The following MYT1L variants were observed in gnomAD, a reference collection of about 807,000 sequenced individuals.
MYT1L encodes the protein myelin transcription factor 1 like.
In MYT1L, 12 loss-of-function variants were observed where a neutral mutation model predicts 126.7. The ratio of observed to expected loss-of-function variants is 0.09; its 90% confidence interval spans 0.06 to 0.15. The LOEUF is 0.15. Ranked by LOEUF, MYT1L falls within the 10% of genes least tolerant of loss-of-function variation. MYT1L has a pLI of 1.00. For missense variants in MYT1L, 979 were observed against 1,585.2 expected (o/e 0.62, Z 6.49); for synonymous variants, 541 against 604.2 (o/e 0.90, Z 1.53).
intron 4 of MYT1L, among the ~76,000 whole-genome samples, chr2:2,015,288 T>TG (rs5828873): frequency 0.017 from 2,526 of 152,304 alleles, 56 homozygotes; most frequent in African/African-American, 0.054. Context: ...AAGGAGACAG[T>TG]GCAGGCGCAG....
intron 11 of MYT1L, among the ~76,000 whole-genome samples, chr2:1,915,896 G>C (rs891014514): frequency 6.6e-6 from 1 of 152,164 alleles, no homozygotes; most frequent in African/African-American, 2.4e-5. Context: ...CGAATGAAAG[G>C]GGGGGTGTTG....
chr2:2,011,814 C>T (rs1366065977), intron 4 of MYT1L, among the ~76,000 whole-genome samples: 3 of 152,180 alleles, frequency 2.0e-5, no homozygotes, highest in African/African-American at 7.2e-5. Flanking sequence ...TAAATCAAAA[C>T]TACAGTGAGA....
At chr2:2,207,489 C>A (rs536717813) in intron 2 of MYT1L, among the ~76,000 whole-genome samples, 1 of 152,276 alleles carries the variant, frequency 6.6e-6, no homozygotes, top group Admixed American at 6.5e-5. Context: ...CCGTCAAGAA[C>A]AATGTCGTGA....
At chr2:2,121,614 G>A (rs2147894733) in intron 3 of MYT1L, among the ~76,000 whole-genome samples, 1 of 152,182 alleles carries the variant, frequency 6.6e-6, no homozygotes, top group Non-Finnish European at 1.5e-5. Flanking sequence ...AGCCTCCTGA[G>A]TAGCTGGGAT....
chr2:2,187,491 A>C (rs1421813903), intron 2 of MYT1L, among the ~76,000 whole-genome samples: 2 of 151,870 alleles, frequency 1.3e-5, no homozygotes, highest in Admixed American at 1.3e-4. Flanking sequence ...CTTAGTTCCA[A>C]ATCAGCTCAG....
At chr2:2,015,295 G>A (rs562504372) in intron 4 of MYT1L, among the ~76,000 whole-genome samples, 2 of 152,302 alleles carry the variant, frequency 1.3e-5, no homozygotes, top group South Asian at 2.1e-4. Context: ...CAGTGCAGGC[G>A]CAGCATGCAG....
intron 8 of MYT1L, among the ~76,000 whole-genome samples, chr2:1,964,162 G>A (rs894606532): frequency 6.6e-6 from 1 of 152,154 alleles, no homozygotes; most frequent in Non-Finnish European, 1.5e-5. Flanking sequence ...AAGGCCTGAG[G>A]AGCAGGGAGA....
intron 2 of MYT1L, among the ~76,000 whole-genome samples, chr2:2,279,386 G>A (rs1010765686): frequency 1.3e-5 from 2 of 151,384 alleles, no homozygotes; most frequent in Non-Finnish European, 2.9e-5. Flanking sequence ...ACATGGAAGA[G>A]GAAGAAGGAG....
At chr2:2,109,896 T>TATATATAC in intron 3 of MYT1L, among the ~76,000 whole-genome samples, 1 of 112,484 alleles carries the variant, frequency 8.9e-6, no homozygotes, top group South Asian at 3.2e-4. Flanking sequence ...TATATATATA[T>TATATATAC]ATATATATAT....
chr2:1,993,352 G>A (rs2061588097), intron 5 of MYT1L, among the ~76,000 whole-genome samples: 1 of 152,080 alleles, frequency 6.6e-6, no homozygotes, highest in Non-Finnish European at 1.5e-5. Flanking sequence ...TTTTCTTACT[G>A]GAGGAAACCA....
intron 2 of MYT1L, among the ~76,000 whole-genome samples, chr2:2,273,297 A>G (rs1395885169): frequency 2.6e-5 from 4 of 152,148 alleles, no homozygotes; most frequent in Non-Finnish European, 1.5e-5. Flanking sequence ...AAGAACAAGG[A>G]TTTTCCTTAA....
At chr2:1,909,877 C>T (rs149418034) in intron 13 of MYT1L, among the ~76,000 whole-genome samples, 79 of 152,330 alleles carry the variant, frequency 5.2e-4, no homozygotes, top group African/African-American at 1.8e-3. Context: ...GTGTGAGGCC[C>T]TATCCTGCAA....
chr2:1,913,737 AGATG>A (rs2052403876), intron 11 of MYT1L, among the ~76,000 whole-genome samples: 1 of 152,142 alleles, frequency 6.6e-6, no homozygotes, highest in African/African-American at 2.4e-5. Context: ...CCTGAGGTCC[AGATG>A]GCAAGTGCAC....
chr2:1,996,910 G>A (rs553972340), intron 5 of MYT1L, among the ~76,000 whole-genome samples: 34 of 140,038 alleles, frequency 2.4e-4, no homozygotes, highest in African/African-American at 8.6e-4. Flanking sequence ...GAGTGTAGAC[G>A]GGCTGCCTTT....
intron 2 of MYT1L, among the ~76,000 whole-genome samples, chr2:2,236,728 A>T (rs2094318129): frequency 6.6e-6 from 1 of 151,252 alleles, no homozygotes; most frequent in Non-Finnish European, 1.5e-5. Flanking sequence ...AGCCTGCCTC[A>T]AAAACTGGTG....
At chr2:2,269,337 C>T (rs1477862912) in intron 2 of MYT1L, among the ~76,000 whole-genome samples, 2 of 152,230 alleles carry the variant, frequency 1.3e-5, no homozygotes, top group Non-Finnish European at 2.9e-5. Context: ...TTACAAAGAC[C>T]TTGTGGCCCT....
At chr2:2,280,741 G>A (rs1249999837) in intron 2 of MYT1L, among the ~76,000 whole-genome samples, 1 of 152,196 alleles carries the variant, frequency 6.6e-6, no homozygotes, top group Non-Finnish European at 1.5e-5. Flanking sequence ...AGGTGGAGAG[G>A]AAGCTTCAAC....
chr2:1,869,420 G>GC (rs1201472431), intron 18 of MYT1L, among the ~76,000 whole-genome samples: 3 of 152,252 alleles, frequency 2.0e-5, no homozygotes, highest in African/African-American at 7.2e-5. Context: ...TTCCCTGGAG[G>GC]CTCCTTGTCC....
At chr2:2,037,896 T>C (rs926800351) in intron 4 of MYT1L, among the ~76,000 whole-genome samples, 3 of 152,176 alleles carry the variant, frequency 2.0e-5, no homozygotes, top group Non-Finnish European at 4.4e-5. Context: ...TTCAAAACTA[T>C]AGTTTTGAAT....
Sources: gnomAD v4.1 joint callset for allele counts (sites outside exome capture counted in the v4.1 genomes callset) on GRCh38, gnomAD v4.1.1 for gene constraint, MANE v1.5 for transcripts, NCBI Gene and HGNC (gene_info 2026-07-23, HGNC 2026-07-21) for gene names.